Variants in HDAC8 observed in about 807,000 individuals in gnomAD.
HDAC8 encodes histone deacetylase-like 1.
Under a neutral mutation model 32.2 loss-of-function variants are expected in HDAC8, and 1 was observed. The ratio of observed to expected loss-of-function variants is 0.03; its 90% CI spans 0.01 to 0.15. The LOEUF is 0.15. Among genes scored for constraint, HDAC8 ranks in the 10% least tolerant of loss-of-function variants. HDAC8 has a pLI of 1.00. For missense variants in HDAC8, 117 were observed against 300.0 expected (o/e 0.39, Z 4.51); for synonymous variants, 108 against 113.9 (o/e 0.95, Z 0.33).
intron 7 of HDAC8, among the ~76,000 whole-genome samples, chrX:72,483,545 G>T (rs1209576663): frequency 9.0e-6 from 1 of 111,443 alleles, no homozygotes; most frequent in African/African-American, 3.3e-5. Context: ...ACAGTCCGCA[G>T]AACTGTGAGC....
At chrX:72,330,168 T>TG in intron 10 of HDAC8, 92 bp from the exon 11 acceptor site, 2 of 753,437 alleles carry the variant, frequency 2.7e-6, no homozygotes, top group Non-Finnish European at 4.1e-6. Context: ...ACTTATATTT[T>TG]GGGGCTTATT....
At chrX:72,535,863 G>A (rs182771784) in intron 4 of HDAC8, among the ~76,000 whole-genome samples, 120 of 111,626 alleles carry the variant, frequency 1.1e-3, no homozygotes, top group African/African-American at 3.7e-3. Flanking sequence ...TATTTCCTGA[G>A]ATTTCTTTCA....
intron 9 of HDAC8, among the ~76,000 whole-genome samples, chrX:72,425,332 C>T (rs782465270): frequency 1.3e-4 from 14 of 111,351 alleles, no homozygotes; most frequent in Non-Finnish European, 2.5e-4. Context: ...TTGCTGTAAA[C>T]CTTTGATTGT....
At chrX:72,568,494 C>T (rs1044148397) in intron 3 of HDAC8, among the ~76,000 whole-genome samples, 3 of 112,529 alleles carry the variant, frequency 2.7e-5, no homozygotes, top group African/African-American at 9.7e-5. Context: ...ACAGCTAAAT[C>T]AGCATATACA....
chrX:72,405,730 A>G (rs1440504846), intron 9 of HDAC8, among the ~76,000 whole-genome samples: 1 of 112,048 alleles, frequency 8.9e-6, no homozygotes, highest in African/African-American at 3.2e-5. Context: ...CATGTCTTTT[A>G]ACCATTCTTA....
chrX:72,555,043 T>C (rs918388537), intron 4 of HDAC8, among the ~76,000 whole-genome samples: 3 of 112,223 alleles, frequency 2.7e-5, no homozygotes, highest in African/African-American at 9.7e-5. Context: ...CTGGAGCAAC[T>C]GCAAGACCTG....
chrX:72,440,954 A>C (rs1190511483), intron 9 of HDAC8, among the ~76,000 whole-genome samples: 1 of 112,726 alleles, frequency 8.9e-6, no homozygotes, highest in African/African-American at 3.2e-5. Context: ...TCTGAGTTCA[A>C]ACTGCAAGGC....
intron 10 of HDAC8, 42 bp from the exon 11 acceptor site, chrX:72,330,118 T>G: frequency 9.3e-7 from 1 of 1,079,918 alleles, no homozygotes; most frequent in Non-Finnish European, 1.3e-6. Context: ...TCAGGTAATG[T>G]ATGTGAATTA....
chrX:72,449,387 A>G (rs782774004), intron 9 of HDAC8, among the ~76,000 whole-genome samples: 2 of 110,968 alleles, frequency 1.8e-5, no homozygotes, highest in South Asian at 7.8e-4. Context: ...ATGAGAACAC[A>G]TGGACACAGG....
intron 4 of HDAC8, among the ~76,000 whole-genome samples, chrX:72,524,799 G>A (rs1245978506): frequency 9.1e-6 from 1 of 110,375 alleles, no homozygotes; most frequent in Non-Finnish European, 1.9e-5. Context: ...CAGTTCAAAT[G>A]TCACTACCAT....
In HDAC8 at chrX:72,340,070, C is replaced by T. The variant is rs189552762; in HGVS notation, c.1112-9994G>A. On this transcript the variant is annotated intron_variant, in intron 10 of 10. Transcript: ENST00000373573. The stretch of plus-strand genomic sequence containing the variant: ...ATTACCCTGATGGTTAGGGTGCTCT[C>T]GTCTTAGTTCTCAAGGCACTACTGC... Among the ~76,000 whole-genome samples, 181 of 112,251 alleles carry T rather than the reference C, an allele frequency of 1.6e-3. 4 individuals carry two copies. The Admixed American group carries it at 0.017, about 10-fold the overall frequency.
At chrX:72,433,427 A>C in intron 9 of HDAC8, among the ~76,000 whole-genome samples, 1 of 112,426 alleles carries the variant, frequency 8.9e-6, no homozygotes, top group Non-Finnish European at 1.9e-5. Flanking sequence ...AGAATGGTCA[A>C]ATATGGGTGT....
intron 9 of HDAC8, among the ~76,000 whole-genome samples, chrX:72,370,771 C>A (rs904132629): frequency 8.9e-6 from 1 of 112,048 alleles, no homozygotes; most frequent in South Asian, 3.8e-4. Context: ...GTCTGATGTT[C>A]GAGGGCAGGA....
At chrX:72,480,123 G>A (rs916888317) in intron 7 of HDAC8, among the ~76,000 whole-genome samples, 10 of 111,810 alleles carry the variant, frequency 8.9e-5, no homozygotes, top group South Asian at 7.6e-4. Context: ...GCCATACCCC[G>A]GAGAGGCAGG....
chrX:72,352,431 ATGGATGAGACCTCCTC>A (rs2044210218), intron 9 of HDAC8, among the ~76,000 whole-genome samples: 1 of 111,555 alleles, frequency 9.0e-6, no homozygotes, highest in South Asian at 3.8e-4. Context: ...GACTATAAAG[ATGGATGAGACCTCCTC>A]TGGGGTCCTC....
chrX:72,420,587 C>A (rs1328320790), intron 9 of HDAC8, among the ~76,000 whole-genome samples: 2 of 111,634 alleles, frequency 1.8e-5, no homozygotes, highest in Non-Finnish European at 3.8e-5. Context: ...ATTCTCTGTA[C>A]CTATTATTGT....
chrX:72,429,606 T>G (rs1479149884), intron 9 of HDAC8, among the ~76,000 whole-genome samples: 2 of 111,431 alleles, frequency 1.8e-5, no homozygotes, highest in Non-Finnish European at 3.8e-5. Flanking sequence ...AATGGGGAGG[T>G]GCTGGCTGCA....
intron 10 of HDAC8, among the ~76,000 whole-genome samples, chrX:72,337,226 C>G (rs1460952261): frequency 8.9e-6 from 1 of 112,431 alleles, no homozygotes; most frequent in Non-Finnish European, 1.9e-5. Flanking sequence ...TCCAATAGAA[C>G]TTTCTTGGAT....
At chrX:72,498,606 T>C (rs2049107915) in intron 4 of HDAC8, among the ~76,000 whole-genome samples, 1 of 111,993 alleles carries the variant, frequency 8.9e-6, no homozygotes, top group African/African-American at 3.2e-5. Context: ...AATATACACA[T>C]GTTTAAGAAC....
Sources: allele counts gnomAD v4.1 joint callset (sites outside exome capture counted in the v4.1 genomes callset), GRCh38; gene constraint gnomAD v4.1.1; transcripts MANE v1.5; gene names NCBI Gene and HGNC (gene_info 2026-07-23, HGNC 2026-07-21).